ELOVL7: variants seen among roughly 807,000 people sequenced by gnomAD.
ELOVL7 encodes the protein ELOVL fatty acid elongase 7.
ELOVL7 carries 27 observed loss-of-function variants against 35.7 expected under a neutral mutation model. The observed-to-expected ratio is 0.76, with a 90% CI of 0.56 to 1.04. ELOVL7 has a LOEUF of 1.04. Ranked by LOEUF, ELOVL7 falls within the 50% of genes least tolerant of loss-of-function variation. ELOVL7 has a pLI of 0.00. For missense variants in ELOVL7, 327 were observed against 340.8 expected, an observed-to-expected ratio of 0.96 and a Z score of 0.32; for synonymous variants, 113 against 114.6, an observed-to-expected ratio of 0.99 and a Z score of 0.09.
chr5:60,787,299 A>T, intron 3 of ELOVL7, 35 bp downstream of exon 3: 1 of 1,521,242 alleles, frequency 6.6e-7, no homozygotes, highest in South Asian at 1.2e-5. Flanking sequence ...ATAAAAAGGA[A>T]GGATGAACCT....
chr5:60,790,377 A>C (rs144227464), intron 2 of ELOVL7, among the ~76,000 whole-genome samples: 16 of 152,348 alleles, frequency 1.1e-4, no homozygotes, highest in African/African-American at 3.8e-4. Flanking sequence ...TCTAAAAATA[A>C]AGAATAAAAT....
intron 7 of ELOVL7, among the ~76,000 whole-genome samples, chr5:60,758,490 A>G (rs1741683830): frequency 6.6e-6 from 1 of 152,198 alleles, no homozygotes. Context: ...AATTTAATTA[A>G]TTATTGTTTT....
At chr5:60,768,243 A>G (rs1240125678) in intron 4 of ELOVL7, among the ~76,000 whole-genome samples, 2 of 152,172 alleles carry the variant, frequency 1.3e-5, no homozygotes, top group Non-Finnish European at 2.9e-5. Context: ...AGGTTCATCT[A>G]TGTATGTGTG....
chr5:60,834,484 G>T (rs1746671486), intron 1 of ELOVL7, among the ~76,000 whole-genome samples: 1 of 151,996 alleles, frequency 6.6e-6, no homozygotes, highest in Non-Finnish European at 1.5e-5. Context: ...TTATATAGAT[G>T]TTATTAATGA....
intron 7 of ELOVL7, among the ~76,000 whole-genome samples, chr5:60,759,886 G>C (rs1354144606): frequency 6.6e-6 from 1 of 152,014 alleles, no homozygotes; most frequent in Non-Finnish European, 1.5e-5. Flanking sequence ...AGAATATGAG[G>C]TGTTTGGTTT....
At chr5:60,839,305 C>G (rs1747022036) in intron 1 of ELOVL7, among the ~76,000 whole-genome samples, 1 of 151,684 alleles carries the variant, frequency 6.6e-6, no homozygotes, top group South Asian at 2.1e-4. Context: ...CAAGATCGCA[C>G]AACTTTATTG....
chr5:60,786,110 G>A (rs1490291888), intron 3 of ELOVL7: 1 of 152,150 alleles, frequency 6.6e-6, no homozygotes. Context: ...AAACTCAAAT[G>A]TTAAATACCA....
intron 1 of ELOVL7, among the ~76,000 whole-genome samples, chr5:60,821,019 A>AT (rs1359412767): frequency 6.6e-6 from 1 of 152,126 alleles, no homozygotes; most frequent in Non-Finnish European, 1.5e-5. Context: ...TTCTCGGTAA[A>AT]TTTGAGTAAT....
intron 1 of ELOVL7, among the ~76,000 whole-genome samples, chr5:60,800,853 G>A (rs553980691): frequency 6.6e-6 from 1 of 152,182 alleles, no homozygotes; most frequent in South Asian, 2.1e-4. Context: ...ACTGTTGGTG[G>A]ATGTGGAATC....
At chr5:60,839,089 G>A (rs1002347535) in intron 1 of ELOVL7, among the ~76,000 whole-genome samples, 1 of 151,882 alleles carries the variant, frequency 6.6e-6, no homozygotes, top group African/African-American at 2.4e-5. Context: ...TGTAAGCCCA[G>A]CACTTTGGGA....
intron 7 of ELOVL7, among the ~76,000 whole-genome samples, chr5:60,762,794 T>C (rs1436159810): frequency 6.6e-6 from 1 of 152,200 alleles, no homozygotes; most frequent in African/African-American, 2.4e-5. Context: ...TCTTTGTGTA[T>C]AGGATCCTCA....
intron 1 of ELOVL7, among the ~76,000 whole-genome samples, chr5:60,808,767 A>C (rs1745089544): frequency 6.6e-6 from 1 of 152,240 alleles, no homozygotes; most frequent in Non-Finnish European, 1.5e-5. Flanking sequence ...TGGTATATCC[A>C]TTCAATGAAT....
At chr5:60,840,065 A>G (rs1402868140) in intron 1 of ELOVL7, among the ~76,000 whole-genome samples, 1 of 152,184 alleles carries the variant, frequency 6.6e-6, no homozygotes, top group Non-Finnish European at 1.5e-5. Context: ...ATCATGGAGA[A>G]TAAACAAATC....
At chr5:60,769,287 C>T (rs1742431316) in intron 4 of ELOVL7, among the ~76,000 whole-genome samples, 1 of 152,200 alleles carries the variant, frequency 6.6e-6, no homozygotes, top group Non-Finnish European at 1.5e-5. Flanking sequence ...TGTGCTCAGA[C>T]TCATTTTTGA....
intron 2 of ELOVL7, among the ~76,000 whole-genome samples, chr5:60,797,456 C>T (rs1178989008): frequency 2.0e-5 from 3 of 152,158 alleles, no homozygotes; most frequent in Non-Finnish European, 2.9e-5. Context: ...TTTTGGGTTA[C>T]AAAAGCTTAG....
At chr5:60,792,616 C>T (rs1323459947) in intron 2 of ELOVL7, among the ~76,000 whole-genome samples, 1 of 152,108 alleles carries the variant, frequency 6.6e-6, no homozygotes, top group Non-Finnish European at 1.5e-5. Flanking sequence ...CCTGTAGTTC[C>T]AGCTACACGA....
chr5:60,825,393 T>C (rs1006272777), intron 1 of ELOVL7, among the ~76,000 whole-genome samples: 1 of 152,192 alleles, frequency 6.6e-6, no homozygotes, highest in African/African-American at 2.4e-5. Context: ...TCCCTTACCT[T>C]GCTTTATTTT....
At chr5:60,798,659 T>C (rs977951001) in intron 2 of ELOVL7, among the ~76,000 whole-genome samples, 1 of 152,120 alleles carries the variant, frequency 6.6e-6, no homozygotes, top group East Asian at 1.9e-4. Flanking sequence ...CAAGAGAATA[T>C]AACAATTATA....
In ELOVL7 at chr5:60,834,268, A is replaced by G. The variant is rs1486026212; in HGVS notation, c.-86+9892T>C. Among the ~76,000 whole-genome samples the G allele has an allele frequency of 8.6e-5, 13 of 151,990 alleles. No homozygotes were observed. In the East Asian group the frequency reaches 2.5e-3, roughly 29 times the overall value. ...ACCATTCTCCTGCCTCAGCCTCCCA[A>G]GTAGCTGGGATTACAGGTGCCCGCC... On this transcript the variant is annotated intron_variant, in intron 1 of 8. Coordinates refer to ENST00000508821, the MANE Select transcript of ELOVL7 (RefSeq NM_024930.3).
Sources: allele counts gnomAD v4.1 joint callset (sites outside exome capture counted in the v4.1 genomes callset), GRCh38; gene constraint gnomAD v4.1.1; transcripts MANE v1.5; gene names NCBI Gene and HGNC (gene_info 2026-07-23, HGNC 2026-07-21).